The following VPS50 variants were observed in gnomAD, a reference collection of about 807,000 sequenced individuals.
VPS50 encodes the protein syndetin.
In VPS50, 70 loss-of-function variants were observed where a neutral mutation model predicts 139.7. That is an observed-to-expected ratio of 0.50 (90% CI 0.41 to 0.61). The LOEUF is 0.61. Among genes scored for constraint, VPS50 ranks in the 20% least tolerant of loss-of-function variants. The pLI is 0.00. For synonymous variants in VPS50, 365 were observed against 376.7 expected, an observed-to-expected ratio of 0.97 and a Z score of 0.36; for missense variants, 921 against 1,133.7, an observed-to-expected ratio of 0.81 and a Z score of 2.69.
At position 93,319,450 on chromosome 7, in the gene VPS50, G is replaced by A. The variant is rs1017863590; in HGVS notation, c.1856-4161G>A. Among the ~76,000 whole-genome samples the A allele has an allele frequency of 2.6e-5, 4 of 152,146 alleles. No homozygotes were observed. In the East Asian group the frequency reaches 5.8e-4, roughly 22 times the overall value. ...TGATGAGAAGTAAATGTTTGAATTC[G>A]TGTCAGTCTGAAAATGTCTTTTTTT... On this transcript the variant is annotated intron_variant, in intron 20 of 27. Transcript: ENST00000305866.
At chr7:93,314,869 A>G (rs140752108) in intron 20 of VPS50, among the ~76,000 whole-genome samples, 13 of 152,206 alleles carry the variant, frequency 8.5e-5, no homozygotes, top group Non-Finnish European at 1.2e-4. Context: ...ACTAGATGAC[A>G]GACTGCTGAA....
chr7:93,296,981 T>C, intron 15 of VPS50, 145 bp downstream of exon 15: 1 of 1,435,678 alleles, frequency 7.0e-7, no homozygotes, highest in Non-Finnish European at 9.1e-7. Flanking sequence ...TAAATATTTC[T>C]GCCCTTTGGG....
chr7:93,355,864 A>G, intron 26 of VPS50, 27 bp from the exon 27 acceptor site: 2 of 1,379,120 alleles, frequency 1.5e-6, no homozygotes, highest in South Asian at 2.7e-5. Flanking sequence ...CCTATAATGT[A>G]TTTTTTTTTA....
chr7:93,246,423 G>A (rs1414581608), intron 2 of VPS50, among the ~76,000 whole-genome samples: 2 of 151,706 alleles, frequency 1.3e-5, no homozygotes, highest in Non-Finnish European at 3.0e-5. Context: ...AGGAGTTGGT[G>A]TGCATTTCAT....
intron 20 of VPS50, among the ~76,000 whole-genome samples, chr7:93,315,681 T>G (rs182382606): frequency 1.3e-5 from 2 of 152,358 alleles, no homozygotes; most frequent in Non-Finnish European, 2.9e-5. Flanking sequence ...TCTTTTCATA[T>G]GCTTAAAAGA....
Position 93,360,453 on chromosome 7 carries a change from T to C in VPS50, c.*2017T>C, listed in dbSNP as rs1175990005. On this transcript the variant is annotated 3_prime_UTR_variant, in exon 28 of 28. Transcript: ENST00000305866. ...CATTAAAAGGTAGCTTAATAAGTGCTAGCTAGCATCAAAACAGTAACAGGA... is the reference window on the plus strand; with the variant it reads ...CATTAAAAGGTAGCTTAATAAGTGCCAGCTAGCATCAAAACAGTAACAGGA... The C allele has an allele frequency of 1.3e-5, 2 of 149,116 alleles. No individual in the cohort carries two copies. Among genetic ancestry groups the C allele is most frequent in the African/African-American group, 2.5e-5 (1 of 40,334 alleles). The allele number at this position is 149,116 out of a possible 1,614,324, so 9.2% of individuals were successfully genotyped here.
At chr7:93,342,171 C>A (rs576142151) in intron 23 of VPS50, among the ~76,000 whole-genome samples, 1 of 152,344 alleles carries the variant, frequency 6.6e-6, no homozygotes, top group East Asian at 1.9e-4. Context: ...TAGGGAAGCA[C>A]AAGGGGTCAG....
intron 12 of VPS50, 102 bp downstream of exon 12, chr7:93,276,407 A>G (rs990302512): frequency 1.5e-6 from 2 of 1,364,642 alleles, no homozygotes; most frequent in Non-Finnish European, 1.9e-6. Flanking sequence ...CTACTAAAAT[A>G]AAAATAAATC....
intron 1 of VPS50, among the ~76,000 whole-genome samples, chr7:93,238,185 T>A (rs529171808): frequency 9.8e-5 from 15 of 152,324 alleles, no homozygotes; most frequent in African/African-American, 2.4e-4. Flanking sequence ...TTGATGCTAT[T>A]CCCTCATGAC....
chr7:93,318,772 C>A (rs1340206617), intron 20 of VPS50, among the ~76,000 whole-genome samples: 1 of 151,902 alleles, frequency 6.6e-6, no homozygotes, highest in African/African-American at 2.4e-5. Flanking sequence ...AAAAATTTCT[C>A]CCCCATGTTT....
intron 2 of VPS50, among the ~76,000 whole-genome samples, chr7:93,247,436 T>C (rs1795189134): frequency 6.6e-6 from 1 of 152,010 alleles, no homozygotes. Flanking sequence ...TGTTGTGCAC[T>C]TTCTCGATTC....
chr7:93,234,990 T>C (rs1794756767), intron 1 of VPS50, among the ~76,000 whole-genome samples: 1 of 150,852 alleles, frequency 6.6e-6, no homozygotes, highest in African/African-American at 2.4e-5. Flanking sequence ...ATAAACACTG[T>C]AGAGGAAAAG....
intron 20 of VPS50, chr7:93,323,284 G>A (rs181982286): frequency 6.6e-6 from 1 of 152,644 alleles, no homozygotes; most frequent in East Asian, 1.9e-4. Context: ...TTTGTACAGT[G>A]TCAGTTGTAG....
intron 21 of VPS50, among the ~76,000 whole-genome samples, chr7:93,332,064 T>G (rs944171934): frequency 3.3e-5 from 5 of 152,204 alleles, no homozygotes; most frequent in Non-Finnish European, 7.3e-5. Context: ...GGCCTGACAG[T>G]ATTAAGAATT....
intron 9 of VPS50, among the ~76,000 whole-genome samples, chr7:93,265,739 A>G (rs557623243): frequency 6.6e-6 from 1 of 151,916 alleles, no homozygotes; most frequent in Non-Finnish European, 1.5e-5. Context: ...TATTTTTTAA[A>G]TATTTTTAGT....
chr7:93,296,663 G>T (rs751136741), intron 14 of VPS50, 79 bp from the exon 15 acceptor site: 66 of 1,531,466 alleles, frequency 4.3e-5, no homozygotes, highest in Non-Finnish European at 5.4e-5. Context: ...TTTTAATCTG[G>T]AACTATAGAG....
At chr7:93,256,686 G>A in intron 5 of VPS50, 124 bp downstream of exon 5, 1 of 579,352 alleles carries the variant, frequency 1.7e-6, no homozygotes, top group Non-Finnish European at 3.0e-6. Context: ...ACTGTTTTTG[G>A]GTGTGTTTGT....
At chr7:93,309,759 T>A (rs149468588) in intron 19 of VPS50, among the ~76,000 whole-genome samples, 2 of 152,088 alleles carry the variant, frequency 1.3e-5, no homozygotes, top group Admixed American at 1.3e-4. Context: ...TTTTGCCAGT[T>A]AAATGGGCCT....
Position 93,349,797 on chromosome 7 carries a change from G to A in VPS50, c.2305-78G>A, listed in dbSNP as rs539697224. On this transcript the variant is annotated intron_variant, in intron 24 of 27. Transcript: ENST00000305866. The stretch of plus-strand genomic sequence containing the variant: ...TTATTTTCAGATATGATATATACTG[G>A]AAACAGGGGCAAGTATTCTTTATCA... The A allele has an allele frequency of 1.5e-5, 16 of 1,045,118 alleles. No individual in the cohort carries two copies. In the South Asian group the frequency reaches 2.2e-4, roughly 14 times the overall value. The allele number at this position is 1,045,118 out of a possible 1,614,324, so 64.7% of individuals were successfully genotyped here.
Sources: allele counts gnomAD v4.1 joint callset (sites outside exome capture counted in the v4.1 genomes callset), GRCh38; gene constraint gnomAD v4.1.1; transcripts MANE v1.5; gene names NCBI Gene and HGNC (gene_info 2026-07-23, HGNC 2026-07-21).